Variants in HS3ST3A1 observed in about 807,000 individuals in gnomAD.
HS3ST3A1 encodes heparan sulfate glucosamine 3-O-sulfotransferase 3A1.
In HS3ST3A1, 19 loss-of-function variants were observed where a neutral mutation model predicts 25.7. The observed-to-expected ratio is 0.74, with a 90% CI of 0.52 to 1.08. The LOEUF (loss-of-function observed/expected upper bound fraction) is 1.08, where lower values mean the gene tolerates loss of function less well. Ranked by LOEUF, HS3ST3A1 falls within the 50% of genes least tolerant of loss-of-function variation. The pLI is 0.00. For synonymous variants in HS3ST3A1, 226 were observed against 278.6 expected (o/e 0.81, Z 1.88); for missense variants, 459 against 594.3 (o/e 0.77, Z 2.37).
rs1567620537 is a variant in HS3ST3A1, at chr17:13,547,943, C to CA, written c.600-51126_600-51125insT. On this transcript the variant is annotated intron_variant, in intron 1 of 1. Coordinates refer to ENST00000284110, the MANE Select transcript of HS3ST3A1 (RefSeq NM_006042.3). ...GAGTTGGAGAATTGGTTGGTGTGAG[C>CA]CAAAAAAAAAAAAAAAAAAACCACA... Among the ~76,000 whole-genome samples the CA allele has an allele frequency of 3.9e-3, 325 of 83,786 alleles. 4 individuals carry two copies. Among genetic ancestry groups the CA allele is most frequent in the African/African-American group, 0.019 (303 of 16,274 alleles). 55.0% of individuals were successfully genotyped at this position (83,786 alleles called of 152,430 possible).
At chr17:13,514,304 T>C (rs574841014) in intron 1 of HS3ST3A1, among the ~76,000 whole-genome samples, 4 of 152,252 alleles carry the variant, frequency 2.6e-5, no homozygotes, top group African/African-American at 9.6e-5. Flanking sequence ...ACTTTTGCTT[T>C]TCCTTTATGA....
intron 1 of HS3ST3A1, among the ~76,000 whole-genome samples, chr17:13,594,192 C>G (rs566573215): frequency 1.5e-4 from 23 of 152,264 alleles, no homozygotes; most frequent in African/African-American, 5.3e-4. Flanking sequence ...GGATCATGAT[C>G]TCAACACAAC....
At chr17:13,556,866 A>G (rs1907394127) in intron 1 of HS3ST3A1, among the ~76,000 whole-genome samples, 2 of 151,120 alleles carry the variant, frequency 1.3e-5, no homozygotes, top group Non-Finnish European at 2.9e-5. Context: ...AAAAAAAAAA[A>G]GCAAGATGAA....
At chr17:13,594,924 A>G (rs937881547) in intron 1 of HS3ST3A1, among the ~76,000 whole-genome samples, 4 of 152,166 alleles carry the variant, frequency 2.6e-5, no homozygotes, top group African/African-American at 9.7e-5. Flanking sequence ...TTCTCCCTTT[A>G]GGGGTTCCTT....
chr17:13,596,336 G>A (rs4792374), intron 1 of HS3ST3A1, among the ~76,000 whole-genome samples: 78,874 of 150,560 alleles, frequency 0.52, 22,759 homozygotes, highest in Non-Finnish European at 0.63. Context: ...CCAACTACTT[G>A]GTAACTTTCC....
At chr17:13,511,173 T>C (rs1176700179) in intron 1 of HS3ST3A1, among the ~76,000 whole-genome samples, 2 of 152,210 alleles carry the variant, frequency 1.3e-5, no homozygotes, top group East Asian at 1.9e-4. Flanking sequence ...ACAAATTGCA[T>C]ACACACACAA....
At chr17:13,591,476 A>G (rs912625706) in intron 1 of HS3ST3A1, among the ~76,000 whole-genome samples, 3 of 152,224 alleles carry the variant, frequency 2.0e-5, no homozygotes, top group African/African-American at 7.2e-5. Context: ...TAATATGTTC[A>G]ACAAGATAAG....
chr17:13,514,993 A>G (rs1451002456), intron 1 of HS3ST3A1, among the ~76,000 whole-genome samples: 2 of 152,222 alleles, frequency 1.3e-5, no homozygotes, highest in Non-Finnish European at 2.9e-5. Flanking sequence ...ATCTCTTCCT[A>G]AACTAGTACT....
At chr17:13,512,160 G>A (rs895277338) in intron 1 of HS3ST3A1, among the ~76,000 whole-genome samples, 5 of 151,860 alleles carry the variant, frequency 3.3e-5, no homozygotes, top group African/African-American at 9.7e-5. Context: ...TTAGCCGGGC[G>A]CGGTGGCGGG....
chr17:13,550,735 A>G (rs991827741), intron 1 of HS3ST3A1, among the ~76,000 whole-genome samples: 2 of 152,066 alleles, frequency 1.3e-5, no homozygotes, highest in African/African-American at 2.4e-5. Flanking sequence ...CAACAACAAC[A>G]AAACAGATAT....
chr17:13,500,791 T>C (rs2142292193), intron 1 of HS3ST3A1, among the ~76,000 whole-genome samples: 1 of 152,324 alleles, frequency 6.6e-6, no homozygotes, highest in Non-Finnish European at 1.5e-5. Context: ...TAAGAATTAT[T>C]ACAAGGTAGG....
chr17:13,549,539 A>G (rs1981629), intron 1 of HS3ST3A1, among the ~76,000 whole-genome samples: 59,296 of 151,936 alleles, frequency 0.39, 12,059 homozygotes, highest in African/African-American at 0.5. Flanking sequence ...CCTTTGTTCC[A>G]CCGCTGTTCG....
At position 13,496,169 on chromosome 17, in the gene HS3ST3A1, A is replaced by ATT. The variant is rs67951062; in HGVS notation, c.*26_*27dup. 0.36 allele frequency: 523,306 copies of ATT among 1,439,400 alleles called. 64,625 individuals carry two copies. Among genetic ancestry groups the ATT allele is most frequent in the South Asian group, 0.51 (35,570 of 70,168 alleles). The allele number at this position is 1,439,400 out of a possible 1,614,324, so 89.2% of individuals were successfully genotyped here. A position where few individuals can be genotyped will look rare whatever the true frequency, so the allele number is the denominator to read the frequency against. On this transcript the variant is annotated 3_prime_UTR_variant, in exon 2 of 2. Coordinates refer to ENST00000284110, the MANE Select transcript of HS3ST3A1 (RefSeq NM_006042.3). ...TGGTAAAAAAATATATTATATTTTG[A>ATT]TTTTTTTTTTCTTTTTAAATTATAT...
intron 1 of HS3ST3A1, among the ~76,000 whole-genome samples, chr17:13,508,756 G>T (rs1905767535): frequency 6.6e-6 from 1 of 152,108 alleles, no homozygotes; most frequent in South Asian, 2.1e-4. Context: ...AATATCCAAA[G>T]AAATAACTTT....
At chr17:13,538,228 A>T (rs1906825778) in intron 1 of HS3ST3A1, among the ~76,000 whole-genome samples, 1 of 152,124 alleles carries the variant, frequency 6.6e-6, no homozygotes, top group Non-Finnish European at 1.5e-5. Context: ...ACTGGGATAA[A>T]CCCTTTGTGT....
chr17:13,524,237 G>A (rs1906339241), intron 1 of HS3ST3A1, among the ~76,000 whole-genome samples: 1 of 152,030 alleles, frequency 6.6e-6, no homozygotes, highest in Non-Finnish European at 1.5e-5. Flanking sequence ...GTAGCCTTCT[G>A]ATAGCTATTT....
chr17:13,597,215 T>C (rs965154236), intron 1 of HS3ST3A1, among the ~76,000 whole-genome samples: 3 of 152,152 alleles, frequency 2.0e-5, no homozygotes, highest in Admixed American at 2.0e-4. Context: ...TACATACATA[T>C]GTATGTGTAT....
intron 1 of HS3ST3A1, among the ~76,000 whole-genome samples, chr17:13,538,420 C>T (rs1906831501): frequency 6.6e-6 from 1 of 152,192 alleles, no homozygotes; most frequent in African/African-American, 2.4e-5. Context: ...CTTAGAAATT[C>T]ATTCCGCTTA....
chr17:13,521,280 A>T (rs1438897819), intron 1 of HS3ST3A1, among the ~76,000 whole-genome samples: 1 of 152,212 alleles, frequency 6.6e-6, no homozygotes, highest in Non-Finnish European at 1.5e-5. Flanking sequence ...AGTAGGCAGG[A>T]TGTTCTCTGC....
Sources: gnomAD v4.1 joint callset for allele counts (sites outside exome capture counted in the v4.1 genomes callset) on GRCh38, gnomAD v4.1.1 for gene constraint, MANE v1.5 for transcripts, NCBI Gene and HGNC (gene_info 2026-07-23, HGNC 2026-07-21) for gene names.